The following OSBPL3 variants were observed in gnomAD, a reference collection of about 807,000 sequenced individuals.
OSBPL3 encodes oxysterol-binding protein-related protein 3.
A neutral mutation model predicts 120.1 loss-of-function variants in OSBPL3; 65 were observed. The ratio of observed to expected loss-of-function variants is 0.54; its 90% confidence interval spans 0.44 to 0.67. The LOEUF (loss-of-function observed/expected upper bound fraction) is 0.67. Among genes scored for constraint, OSBPL3 ranks in the 30% least tolerant of loss-of-function variants. OSBPL3 has a pLI of 0.00. For missense variants in OSBPL3, 1,004 were observed against 1,082.1 expected, an observed-to-expected ratio of 0.93 and a Z score of 1.01; for synonymous variants, 416 against 402.6, an observed-to-expected ratio of 1.03 and a Z score of -0.40.
intron 14 of OSBPL3, among the ~76,000 whole-genome samples, chr7:24,840,470 T>C (rs1797607753): frequency 6.6e-6 from 1 of 152,228 alleles, no homozygotes; most frequent in Admixed American, 6.5e-5. Context: ...TAGCTTACTT[T>C]ATTGTAAGAT....
chr7:24,807,307 A>G (rs2128106842), intron 20 of OSBPL3, among the ~76,000 whole-genome samples: 1 of 152,306 alleles, frequency 6.6e-6, no homozygotes, highest in East Asian at 1.9e-4. Context: ...AGCCTGGCCA[A>G]CATGGCGAAA....
chr7:24,837,101 C>T (rs888138750), intron 14 of OSBPL3, among the ~76,000 whole-genome samples: 1 of 151,990 alleles, frequency 6.6e-6, no homozygotes, highest in African/African-American at 2.4e-5. Context: ...TCCCAAAGTC[C>T]TGGGATTACA....
At chr7:24,944,325 C>G (rs1406798663) in intron 1 of OSBPL3, among the ~76,000 whole-genome samples, 1 of 152,036 alleles carries the variant, frequency 6.6e-6, no homozygotes, top group African/African-American at 2.4e-5. Context: ...GAAGAAACTC[C>G]AAGTGTTAAA....
At chr7:24,842,494 T>G in intron 12 of OSBPL3, 81 bp from the exon 13 acceptor site, 55 of 1,034,542 alleles carry the variant, frequency 5.3e-5, no homozygotes, top group Non-Finnish European at 7.6e-5. Flanking sequence ...AGTTGTACAA[T>G]ACACAAGGTC....
chr7:24,897,991 G>T (rs1318514159), intron 1 of OSBPL3, among the ~76,000 whole-genome samples: 3 of 152,158 alleles, frequency 2.0e-5, no homozygotes, highest in African/African-American at 7.2e-5. Context: ...CAATTTCCCA[G>T]TAAAATATAT....
intron 5 of OSBPL3, among the ~76,000 whole-genome samples, chr7:24,868,364 T>C (rs1801648538): frequency 7.0e-6 from 1 of 143,168 alleles, no homozygotes; most frequent in African/African-American, 2.6e-5. Context: ...TGTGTGTGTG[T>C]GTGTGTCTGT....
chr7:24,843,810 C>A (rs543725168), intron 12 of OSBPL3, among the ~76,000 whole-genome samples: 2 of 152,312 alleles, frequency 1.3e-5, no homozygotes, highest in East Asian at 3.9e-4. Context: ...AGGTCTCTCT[C>A]CTCAAAAGAG....
At chr7:24,943,616 A>G (rs1184436372) in intron 1 of OSBPL3, among the ~76,000 whole-genome samples, 6 of 152,238 alleles carry the variant, frequency 3.9e-5, no homozygotes, top group African/African-American at 1.2e-4. Context: ...CTGTATCTCT[A>G]CATATCTCCA....
chr7:24,912,198 T>C lies in OSBPL3; in HGVS notation c.-149-19577A>G, dbSNP rs1163969635. On this transcript the variant is annotated intron_variant, in intron 1 of 22. Transcript: ENST00000313367. The surrounding 1 kb of genome is among the most constrained non-coding windows in gnomAD (Gnocchi z 4.5). ...TCTCAAGTATCCATTTATCAAACTTTAAAAATTTGTGGAAAGATAGATCCT... is the reference window on the plus strand; with the variant it reads ...TCTCAAGTATCCATTTATCAAACTTCAAAAATTTGTGGAAAGATAGATCCT... Among the ~76,000 whole-genome samples, 3 of 152,228 alleles carry C rather than the reference T, an allele frequency of 2.0e-5. No individual in the cohort carries two copies. Among genetic ancestry groups the C allele is most frequent in the Non-Finnish European group, 2.9e-5 (2 of 68,048 alleles).
chr7:24,852,716 A>C lies in OSBPL3; in HGVS notation c.1028-82T>G. 5 of 934,704 alleles carry C rather than the reference A, an allele frequency of 5.3e-6. No homozygotes were observed. The highest frequency in any genetic ancestry group is 7.6e-6 in the Non-Finnish European group (5 of 655,848). The allele number at this position is 934,704 out of a possible 1,614,324, so 57.9% of individuals were successfully genotyped here. On this transcript the variant is annotated intron_variant, in intron 10 of 22. Transcript: ENST00000313367. The surrounding 1 kb of genome is among the most constrained non-coding windows in gnomAD (Gnocchi z 4.1). The stretch of plus-strand genomic sequence containing the variant: ...ACAGAAAAAAACATATCTCTTATAA[A>C]AGAAACAAGCAAAGTAACAGCCCTG...
chr7:24,891,936 T>C lies in OSBPL3; in HGVS notation c.96+441A>G, dbSNP rs1190640975. ...ATGAAGGGAAGAAAGTTGGGGTGGA[T>C]ATTATAATTACCAGAAAAATGATTG... On this transcript the variant is annotated intron_variant, in intron 2 of 22. Coordinates refer to ENST00000313367, the MANE Select transcript of OSBPL3 (RefSeq NM_015550.4). The surrounding 1 kb of genome is among the most constrained non-coding windows in gnomAD (Gnocchi z 4.1). Among the ~76,000 whole-genome samples the C allele has an allele frequency of 2.0e-5, 3 of 152,192 alleles. No homozygotes were observed. Among genetic ancestry groups the C allele is most frequent in the Non-Finnish European group, 2.9e-5 (2 of 68,030 alleles).
chr7:24,809,154 T>G (rs893233976), intron 20 of OSBPL3, among the ~76,000 whole-genome samples: 4 of 152,216 alleles, frequency 2.6e-5, no homozygotes. Flanking sequence ...TGTTTGGTTT[T>G]TTACCAGCCT....
In OSBPL3 at chr7:24,798,066, A is replaced by G. The variant is rs1298506251; in HGVS notation, c.*2117T>C. 2 of 152,218 alleles carry G rather than the reference A, an allele frequency of 1.3e-5. No homozygotes were observed. Among genetic ancestry groups the G allele is most frequent in the Non-Finnish European group, 2.9e-5 (2 of 68,044 alleles). The allele number at this position is 152,218 out of a possible 1,614,324, so 9.4% of individuals were successfully genotyped here. Reference sequence around the variant, plus strand: ...GTACTGACTAGATTTTAAAATCTGCATATAGTTCTCTATCATATTTTAATT... The same window carrying G: ...GTACTGACTAGATTTTAAAATCTGCGTATAGTTCTCTATCATATTTTAATT... On this transcript the variant is annotated 3_prime_UTR_variant, in exon 23 of 23. Coordinates refer to ENST00000313367, the MANE Select transcript of OSBPL3 (RefSeq NM_015550.4). This position sits in a 1 kb window ranked among gnomAD's most constrained non-coding sequence, Gnocchi z 4.6.
chr7:24,901,452 T>G (rs1489208951), intron 1 of OSBPL3, among the ~76,000 whole-genome samples: 1 of 152,206 alleles, frequency 6.6e-6, no homozygotes, highest in Non-Finnish European at 1.5e-5. Flanking sequence ...GGACATTAGC[T>G]GCAATCTGGT....
At chr7:24,816,449 C>G (rs1042251543) in intron 18 of OSBPL3, among the ~76,000 whole-genome samples, 161 bp downstream of exon 18, 13 of 151,840 alleles carry the variant, frequency 8.6e-5, no homozygotes, top group Non-Finnish European at 1.8e-4. Context: ...TAAAAGTGAG[C>G]TTGCCAAAAG....
At chr7:24,866,930 A>G (rs1323869169) in intron 5 of OSBPL3, among the ~76,000 whole-genome samples, 1 of 152,150 alleles carries the variant, frequency 6.6e-6, no homozygotes, top group Non-Finnish European at 1.5e-5. Flanking sequence ...CCTCCCGAGT[A>G]GCTGGGATTA....
At position 24,796,669 on chromosome 7, in the gene OSBPL3, TAAGTGG is replaced by T. The variant is rs1470505141; in HGVS notation, c.*3508_*3513del. On this transcript the variant is annotated 3_prime_UTR_variant, in exon 23 of 23. Coordinates refer to ENST00000313367, the MANE Select transcript of OSBPL3 (RefSeq NM_015550.4). This position sits in a 1 kb window ranked among gnomAD's most constrained non-coding sequence, Gnocchi z 5.2. ...TTAAAACAAAATAATTTTCAGTGGTTAAGTGGAAGATTTACAAATATCCATTAAAAA... is the reference window on the plus strand; with the variant it reads ...TTAAAACAAAATAATTTTCAGTGGTTAAGATTTACAAATATCCATTAAAAA... The T allele has an allele frequency of 6.6e-6, 1 of 152,222 alleles. No homozygotes were observed. Among genetic ancestry groups the T allele is most frequent in the African/African-American group, 2.4e-5 (1 of 41,454 alleles). The allele number at this position is 152,222 out of a possible 1,614,324, so 9.4% of individuals were successfully genotyped here. A position where few individuals can be genotyped will look rare whatever the true frequency, so the allele number is the denominator to read the frequency against.
intron 19 of OSBPL3, chr7:24,810,184 C>T (rs2106761): frequency 0.16 from 74,048 of 472,456 alleles, 8,310 homozygotes; most frequent in East Asian, 0.5. Context: ...CTAAATCAAG[C>T]TGATTAACAT....
Position 24,980,140 on chromosome 7 carries a change from G to C in OSBPL3, c.-404C>G. The C allele has an allele frequency of 1.4e-6, 1 of 704,832 alleles. No individual in the cohort carries two copies. The highest frequency in any genetic ancestry group is 1.7e-6 in the Non-Finnish European group (1 of 573,484). 43.7% of individuals were successfully genotyped at this position (704,832 alleles called of 1,614,324 possible). On this transcript the variant is annotated 5_prime_UTR_variant, in exon 1 of 23. Transcript: ENST00000313367. ...CCGGGCCGGCTGGCGGGCGCCACCA[G>C]CACGCGGCCAGTTCTGAGTACTTTG...
Sources: gnomAD v4.1 joint callset for allele counts (sites outside exome capture counted in the v4.1 genomes callset) on GRCh38, gnomAD v4.1.1 for gene constraint, Gnocchi (gnomAD v3.1) non-coding constraint, MANE v1.5 for transcripts, NCBI Gene and HGNC (gene_info 2026-07-23, HGNC 2026-07-21) for gene names.